Variants in ASTN2 observed in about 807,000 individuals in gnomAD.
ASTN2 encodes astrotactin-2.
A neutral mutation model predicts 139.8 loss-of-function variants in ASTN2; 54 were observed. The ratio of observed to expected loss-of-function variants is 0.39; its 90% CI spans 0.31 to 0.48. The LOEUF is 0.48. Among genes scored for constraint, ASTN2 ranks in the 20% least tolerant of loss-of-function variants. ASTN2 has a pLI of 0.95. For synonymous variants in ASTN2, 756 were observed against 719.5 expected (o/e 1.05, Z -0.81); for missense variants, 1,565 against 1,725.1 (o/e 0.91, Z 1.64).
intron 5 of ASTN2, among the ~76,000 whole-genome samples, chr9:117,084,036 GA>G (rs60435447): frequency 0.018 from 2,171 of 120,812 alleles, 34 homozygotes; most frequent in African/African-American, 0.047. Context: ...GGATCTTTAA[GA>G]AAAAAAAAAA....
intron 14 of ASTN2, among the ~76,000 whole-genome samples, chr9:116,731,389 T>C (rs996512106): frequency 6.6e-6 from 1 of 152,036 alleles, no homozygotes; most frequent in African/African-American, 2.4e-5. Context: ...AAAAAAATTA[T>C]CATACCCTAT....
At chr9:116,924,472 G>C (rs1317765118) in intron 10 of ASTN2, among the ~76,000 whole-genome samples, 2 of 150,550 alleles carry the variant, frequency 1.3e-5, no homozygotes, top group African/African-American at 4.9e-5. Context: ...TCCATTGGCA[G>C]CGGTGGCATG....
In ASTN2 at chr9:116,604,638, T is replaced by C. The variant is rs144425108; in HGVS notation, c.3355+13686A>G. ...TAAGAGTAAATTCCACAAGATTTCATAAATACCTACAATGTAAGTGCTCCA... is the reference window on the plus strand; with the variant it reads ...TAAGAGTAAATTCCACAAGATTTCACAAATACCTACAATGTAAGTGCTCCA... On this transcript the variant is annotated intron_variant, in intron 19 of 22. Transcript: ENST00000313400. Among the ~76,000 whole-genome samples, 99 of 152,290 alleles carry C rather than the reference T, an allele frequency of 6.5e-4. 2 individuals are homozygous for C. Among genetic ancestry groups the C allele is most frequent in the Middle Eastern group, 6.8e-3 (2 of 294 alleles).
chr9:116,601,447 G>T (rs1408579856), intron 19 of ASTN2, among the ~76,000 whole-genome samples: 1 of 152,144 alleles, frequency 6.6e-6, no homozygotes, highest in East Asian at 1.9e-4. Flanking sequence ...GGTAACTCTG[G>T]CTTTAGAGTT....
At chr9:116,681,915 A>G (rs1490417575) in intron 16 of ASTN2, among the ~76,000 whole-genome samples, 1 of 151,234 alleles carries the variant, frequency 6.6e-6, no homozygotes, top group Non-Finnish European at 1.5e-5. Flanking sequence ...CTAAAACCAT[A>G]AAAACCCTAG....
At chr9:117,003,972 GTGTGT>G (rs1463102574) in intron 7 of ASTN2, among the ~76,000 whole-genome samples, 1 of 151,652 alleles carries the variant, frequency 6.6e-6, no homozygotes, top group Non-Finnish European at 1.5e-5. Flanking sequence ...GTGTGTGTGT[GTGTGT>G]TTTGCGTGTT....
intron 19 of ASTN2, among the ~76,000 whole-genome samples, chr9:116,529,654 C>T (rs755378972): frequency 1.2e-4 from 18 of 152,170 alleles, no homozygotes; most frequent in East Asian, 3.9e-4. Flanking sequence ...GTAATCCCCA[C>T]GTGTCAGGGG....
intron 6 of ASTN2, among the ~76,000 whole-genome samples, chr9:117,016,652 A>AGGT (rs1286758664): frequency 5.7e-5 from 6 of 104,446 alleles, no homozygotes; most frequent in South Asian, 3.1e-4. Context: ...ATATATATAT[A>AGGT]TATAACCTAT....
At chr9:117,099,107 CAA>C (rs34900374) in intron 4 of ASTN2, among the ~76,000 whole-genome samples, 61 of 116,792 alleles carry the variant, frequency 5.2e-4, no homozygotes, top group South Asian at 5.8e-4. Flanking sequence ...ACTCCGTCTC[CAA>C]AAAAAAAAAA....
At chr9:116,976,091 C>T (rs760856764) in intron 9 of ASTN2, 23 bp downstream of exon 9, 2 of 1,610,362 alleles carry the variant, frequency 1.2e-6, no homozygotes, top group Non-Finnish European at 8.5e-7. Flanking sequence ...CAGAATTATG[C>T]CCCAACAAGA....
intron 20 of ASTN2, among the ~76,000 whole-genome samples, chr9:116,453,450 T>G (rs1848233036): frequency 6.6e-6 from 1 of 151,430 alleles, no homozygotes; most frequent in Non-Finnish European, 1.5e-5. Context: ...AAAAATTAGC[T>G]GGGCGTGGTG....
At chr9:116,696,935 A>G (rs999486688) in intron 16 of ASTN2, among the ~76,000 whole-genome samples, 5 of 142,406 alleles carry the variant, frequency 3.5e-5, no homozygotes, top group Non-Finnish European at 6.0e-5. Context: ...GACACAATAA[A>G]CTCTGTGACA....
At chr9:116,662,025 A>AT (rs1554727407) in intron 16 of ASTN2, among the ~76,000 whole-genome samples, 2 of 151,176 alleles carry the variant, frequency 1.3e-5, no homozygotes, top group East Asian at 1.9e-4. Flanking sequence ...AAAAGAAAAA[A>AT]ATATATATAT....
intron 1 of ASTN2, among the ~76,000 whole-genome samples, chr9:117,407,650 A>C (rs1831033929): frequency 6.6e-6 from 1 of 152,330 alleles, no homozygotes; most frequent in East Asian, 1.9e-4. Context: ...TTTCCATTCA[A>C]AAGGGAGTTC....
At chr9:116,617,754 A>G (rs1210972472) in intron 19 of ASTN2, among the ~76,000 whole-genome samples, 1 of 152,250 alleles carries the variant, frequency 6.6e-6, no homozygotes, top group Non-Finnish European at 1.5e-5. Flanking sequence ...GCCCCAGTAC[A>G]GATCACAGGT....
At chr9:117,195,014 T>A (rs532804416) in intron 3 of ASTN2, among the ~76,000 whole-genome samples, 1 of 152,318 alleles carries the variant, frequency 6.6e-6, no homozygotes, top group Non-Finnish European at 1.5e-5. Flanking sequence ...ACCCAGCATA[T>A]TTATTAACAC....
At chr9:117,003,953 C>CGCGCGTGTGTGTGTGTGT (rs1218309835) in intron 7 of ASTN2, among the ~76,000 whole-genome samples, 73 of 146,284 alleles carry the variant, frequency 5.0e-4, no homozygotes, top group African/African-American at 1.9e-3. Context: ...CGCGCGCGCG[C>CGCGCGTGTGTGTGTGTGT]GTGTGTGTGT....
chr9:116,551,989 C>T (rs1852370019), intron 19 of ASTN2: 1 of 139,518 alleles, frequency 7.2e-6, no homozygotes, highest in Non-Finnish European at 1.6e-5. Flanking sequence ...AAGTAGCCTG[C>T]CACATATACA....
intron 6 of ASTN2, among the ~76,000 whole-genome samples, chr9:117,030,584 C>T (rs1194208724): frequency 1.3e-5 from 2 of 152,128 alleles, no homozygotes; most frequent in Non-Finnish European, 2.9e-5. Flanking sequence ...GCTGTGGTAT[C>T]TTTAAAAGCT....
Sources: allele counts gnomAD v4.1 joint callset (sites outside exome capture counted in the v4.1 genomes callset), GRCh38; gene constraint gnomAD v4.1.1; transcripts MANE v1.5; gene names NCBI Gene and HGNC (gene_info 2026-07-23, HGNC 2026-07-21).